The following RBBP8 variants were observed in gnomAD, a reference collection of about 807,000 sequenced individuals.
RBBP8 encodes DNA endonuclease RBBP8.
A neutral mutation model predicts 108.3 loss-of-function variants in RBBP8; 88 were observed. The ratio of observed to expected loss-of-function variants is 0.81; its 90% CI spans 0.68 to 0.97. The LOEUF (loss-of-function observed/expected upper bound fraction) is 0.97. Ranked by LOEUF, RBBP8 falls within the 50% of genes least tolerant of loss-of-function variation. The pLI is 0.00. For missense variants in RBBP8, 1,023 were observed against 1,049.0 expected (o/e 0.98, Z 0.34); for synonymous variants, 332 against 348.2 (o/e 0.95, Z 0.52).
intron 1 of RBBP8, among the ~76,000 whole-genome samples, chr18:22,935,780 A>T (rs1910522109): frequency 6.6e-6 from 1 of 152,114 alleles, no homozygotes; most frequent in Admixed American, 6.5e-5. Context: ...AAACTTCTTA[A>T]CCTGTTGGTT....
At chr18:23,001,146 T>G (rs760404553) in intron 14 of RBBP8, among the ~76,000 whole-genome samples, 2 of 152,226 alleles carry the variant, frequency 1.3e-5, no homozygotes, top group Admixed American at 6.5e-5. Context: ...CTCACTTATA[T>G]TCACTGAATT....
chr18:22,952,509 T>A (rs1331024313), intron 4 of RBBP8, among the ~76,000 whole-genome samples: 1 of 152,176 alleles, frequency 6.6e-6, no homozygotes, highest in East Asian at 1.9e-4. Flanking sequence ...GAAGTTTAAA[T>A]GAGATAATGG....
Position 22,982,284 on chromosome 18 carries a change from A to C in RBBP8, c.495A>C (p.Ile165=), listed in dbSNP as rs772829955. The C allele has an allele frequency of 3.1e-6, 5 of 1,614,202 alleles. No homozygotes were observed. The South Asian group carries it at 4.4e-5, about 14-fold the overall frequency. The change falls in exon 7 of 19, where the codon ATA becomes ATC. Residue 165 remains isoleucine (I), a synonymous_variant. Coordinates refer to ENST00000327155, the MANE Select transcript of RBBP8 (RefSeq NM_002894.3). The stretch of plus-strand genomic sequence containing the variant: ...AAGACGTTATTCCAGATTCACCGAT[A>C]ACAGCCTTCTCATTTTCTGGCGTTA... ...CEEDVIPDSP[I]TAFSFSGVNR...
intron 16 of RBBP8, among the ~76,000 whole-genome samples, chr18:23,008,114 A>G (rs1279358012): frequency 2.6e-5 from 4 of 152,092 alleles, no homozygotes; most frequent in Non-Finnish European, 5.9e-5. Flanking sequence ...GCCTGGCGCT[A>G]AGCATCTTGA....
intron 3 of RBBP8, among the ~76,000 whole-genome samples, chr18:22,918,766 AC>A (rs915180367): frequency 1.4e-4 from 22 of 152,256 alleles, no homozygotes; most frequent in African/African-American, 5.1e-4. Context: ...ATGCCGCTAC[AC>A]CTGGATAATT....
At chr18:22,970,373 C>G (rs1157799180) in intron 5 of RBBP8, among the ~76,000 whole-genome samples, 1 of 152,078 alleles carries the variant, frequency 6.6e-6, no homozygotes, top group Non-Finnish European at 1.5e-5. Flanking sequence ...TAAAATAGAG[C>G]CAAAAACTCC....
chr18:22,922,118 G>A (rs73396864), intron 3 of RBBP8, among the ~76,000 whole-genome samples: 1,920 of 152,236 alleles, frequency 0.013, 37 homozygotes, highest in African/African-American at 0.045. Flanking sequence ...TAGTCAAGCA[G>A]ATTAAAAATT....
chr18:22,942,522 G>A (rs1034452638), intron 2 of RBBP8, among the ~76,000 whole-genome samples: 2 of 151,970 alleles, frequency 1.3e-5, no homozygotes, highest in African/African-American at 4.8e-5. Flanking sequence ...AAAAATTCTG[G>A]AGACATTTAT....
At chr18:22,994,064 A>G (rs1293538673) in intron 12 of RBBP8, among the ~76,000 whole-genome samples, 7 of 108,290 alleles carry the variant, frequency 6.5e-5, no homozygotes, top group Admixed American at 1.5e-4. Flanking sequence ...TCTGTCGCCC[A>G]GGCTGGAGTG....
At chr18:22,951,670 T>A (rs1454219384) in intron 4 of RBBP8, among the ~76,000 whole-genome samples, 1 of 152,230 alleles carries the variant, frequency 6.6e-6, no homozygotes, top group African/African-American at 2.4e-5. Context: ...ACTGTGTCCT[T>A]CCCTCAATTC....
chr18:22,937,676 C>G (rs1910696763), intron 2 of RBBP8, among the ~76,000 whole-genome samples: 1 of 151,904 alleles, frequency 6.6e-6, no homozygotes, highest in African/African-American at 2.4e-5. Flanking sequence ...CAGGGTCTCA[C>G]TATGTTGCCC....
At chr18:23,022,001 G>C in intron 17 of RBBP8, 128 bp from the exon 18 acceptor site, 1 of 752,966 alleles carries the variant, frequency 1.3e-6, no homozygotes, top group South Asian at 1.5e-5. Context: ...TCATCAATGA[G>C]GATTAAGTTT....
intron 15 of RBBP8, among the ~76,000 whole-genome samples, chr18:23,002,226 G>A (rs1205459239): frequency 6.6e-6 from 1 of 152,046 alleles, no homozygotes; most frequent in East Asian, 1.9e-4. Context: ...AGACCAGCCT[G>A]GGCAATGTGA....
chr18:23,016,997 C>T, intron 17 of RBBP8, 73 bp downstream of exon 17: 4 of 1,110,350 alleles, frequency 3.6e-6, no homozygotes, highest in Non-Finnish European at 4.1e-6. Flanking sequence ...ATTTTAAAAT[C>T]ACGTATACAA....
intron 2 of RBBP8, among the ~76,000 whole-genome samples, chr18:22,945,448 C>G (rs760714842): frequency 6.6e-6 from 1 of 151,868 alleles, no homozygotes; most frequent in African/African-American, 2.4e-5. Context: ...AGTGCAATGG[C>G]GGGATCTCAG....
intron 10 of RBBP8, among the ~76,000 whole-genome samples, chr18:22,991,501 C>T (rs1160511693): frequency 6.6e-6 from 1 of 152,158 alleles, no homozygotes; most frequent in Non-Finnish European, 1.5e-5. Flanking sequence ...AGGACCCCCT[C>T]CCCCATGGGT....
intron 2 of RBBP8, 53 bp downstream of exon 2, chr18:22,937,013 C>T (rs928334055): frequency 1.2e-6 from 2 of 1,603,890 alleles, no homozygotes; most frequent in Non-Finnish European, 1.7e-6. Context: ...ACTGTAGTGG[C>T]TTTGTATACC....
chr18:22,954,237 G>T (rs1163477310), intron 4 of RBBP8, among the ~76,000 whole-genome samples: 1 of 152,122 alleles, frequency 6.6e-6, no homozygotes, highest in Non-Finnish European at 1.5e-5. Flanking sequence ...CAAGTCCAAA[G>T]TCTCATCTGA....
At chr18:22,920,551 A>G (rs542901466) in intron 3 of RBBP8, among the ~76,000 whole-genome samples, 113 of 152,328 alleles carry the variant, frequency 7.4e-4, no homozygotes, top group African/African-American at 2.7e-3. Context: ...TTCTTTGCCT[A>G]TCATATCTAC....
Sources: gnomAD v4.1 joint callset for allele counts (sites outside exome capture counted in the v4.1 genomes callset) on GRCh38, gnomAD v4.1.1 for gene constraint, MANE v1.5 for transcripts, NCBI Gene and HGNC (gene_info 2026-07-23, HGNC 2026-07-21) for gene names.